Variants in RICTOR observed in about 807,000 individuals in gnomAD.
The protein encoded by RICTOR is RPTOR independent companion of MTOR complex 2, also known as rapamycin-insensitive companion of mTOR.
In RICTOR, 49 loss-of-function variants were observed where a neutral mutation model predicts 214.9. That is an observed-to-expected ratio of 0.23 (90% CI 0.18 to 0.29). The LOEUF (loss-of-function observed/expected upper bound fraction) is 0.29, where lower values mean the gene tolerates loss of function less well. RICTOR is among the 10% of genes least tolerant of loss of function. RICTOR has a pLI of 1.00. For synonymous variants in RICTOR, 717 were observed against 711.3 expected (o/e 1.01, Z -0.13); for missense variants, 1,625 against 2,047.0 (o/e 0.79, Z 3.98).
intron 3 of RICTOR, among the ~76,000 whole-genome samples, chr5:39,007,174 A>G (rs1420167956): frequency 6.6e-6 from 1 of 152,194 alleles, no homozygotes; most frequent in African/African-American, 2.4e-5. Flanking sequence ...TGCTAGGGCT[A>G]CTATAACATA....
chr5:39,003,720 G>A (rs1753819983), intron 3 of RICTOR, 98 bp from the exon 4 acceptor site: 2 of 648,782 alleles, frequency 3.1e-6, no homozygotes, highest in Non-Finnish European at 5.1e-6. Context: ...GTATTTTTAT[G>A]GAATAATATT....
At chr5:38,965,106 T>C (rs921010104) in intron 15 of RICTOR, among the ~76,000 whole-genome samples, 1 of 152,004 alleles carries the variant, frequency 6.6e-6, no homozygotes, top group Admixed American at 6.5e-5. Context: ...TACACACATA[T>C]TAACATAACC....
intron 2 of RICTOR, among the ~76,000 whole-genome samples, chr5:39,048,262 T>C (rs889999425): frequency 6.6e-6 from 1 of 152,180 alleles, no homozygotes; most frequent in Non-Finnish European, 1.5e-5. Flanking sequence ...AGAAAAAAAG[T>C]TAACCTAGCA....
chr5:38,957,525 TTGA>T, intron 25 of RICTOR, 124 bp downstream of exon 25: 1 of 633,526 alleles, frequency 1.6e-6, no homozygotes, highest in Non-Finnish European at 2.8e-6. Flanking sequence ...CAACTTGATA[TTGA>T]TGTTTAAATA....
At position 38,949,993 on chromosome 5, in the gene RICTOR, C is replaced by G. The variant is rs1748590662; in HGVS notation, c.3855G>C (p.Val1285=). ...GAGAAGAACCTGGAGGCACCAGGGA[C>G]ACCGAATTTGATTTGGAGAGAGACA... ...NHLSLSKSNS[V]SLVPPGSSHT... Residue 1285 remains valine (V), a synonymous_variant, in exon 31 of 38, where the codon GTG becomes GTC. Coordinates refer to ENST00000357387, the MANE Select transcript of RICTOR (RefSeq NM_152756.5). 1 of 1,613,500 alleles carries G rather than the reference C, an allele frequency of 6.2e-7. No individual in the cohort carries two copies. The highest frequency in any genetic ancestry group is 8.5e-7 in the Non-Finnish European group (1 of 1,179,642).
intron 34 of RICTOR, 170 bp from the exon 35 acceptor site, chr5:38,945,238 A>G: frequency 1.6e-6 from 1 of 625,336 alleles, no homozygotes; most frequent in South Asian, 2.1e-5. Context: ...TAACTACAGC[A>G]TGCAAAGGGC....
At chr5:39,023,127 CAAAA>C (rs959763238) in intron 2 of RICTOR, among the ~76,000 whole-genome samples, 1 of 149,322 alleles carries the variant, frequency 6.7e-6, no homozygotes, top group African/African-American at 2.5e-5. Flanking sequence ...AACAAACAAA[CAAAA>C]AAGGATAACG....
intron 2 of RICTOR, among the ~76,000 whole-genome samples, chr5:39,037,778 A>T (rs938742316): frequency 6.6e-6 from 1 of 152,222 alleles, no homozygotes; most frequent in African/African-American, 2.4e-5. Context: ...GAAGAAGTTG[A>T]ATCCCTGAAT....
chr5:38,940,941 G>T lies in RICTOR; in HGVS notation c.*1363C>A. 1 of 232,346 alleles carries T rather than the reference G, an allele frequency of 4.3e-6. No individual in the cohort carries two copies. The allele number at this position is 232,346 out of a possible 1,614,324, so 14.4% of individuals were successfully genotyped here. ...TGTAATAAAAATGTTATACACAAAT[G>T]AATTAAAAAAGAATCCTAATCAGTC... On this transcript the variant is annotated 3_prime_UTR_variant, in exon 38 of 38. Transcript: ENST00000357387.
intron 9 of RICTOR, among the ~76,000 whole-genome samples, chr5:38,977,546 T>G (rs191217887): frequency 5.1e-4 from 77 of 150,528 alleles, no homozygotes; most frequent in Non-Finnish European, 9.0e-4. Flanking sequence ...TATGTTAGGG[T>G]GAGAATGAGT....
Position 38,946,509 on chromosome 5 carries a change from T to C in RICTOR, c.4358A>G (p.His1453Arg). Reference protein sequence around the residue: ...PYFQTKNIPPHDDRGARAFAH... With the variant: ...PYFQTKNIPPRDDRGARAFAH... The stretch of plus-strand genomic sequence containing the variant: ...AAATGCTCTTGCACCTCGATCATCA[T>C]GTGGTGGTATGTTTTTTGTCTGAAA... The change falls in exon 33 of 38, where the codon CAT becomes CGT. Residue 1453 changes from histidine (H) to arginine (R), a missense_variant. Physicochemically the swap from His to Arg is conservative, Grantham distance 29. Around this residue, in one of 5 missense-constraint regions of RICTOR, gnomAD observed 1,214 missense variants for 1,470.5 expected, o/e 0.83. Transcript: ENST00000357387. 1 of 1,611,840 alleles carries C rather than the reference T, an allele frequency of 6.2e-7. No individual in the cohort carries two copies. Among genetic ancestry groups the C allele is most frequent in the Non-Finnish European group, 8.5e-7 (1 of 1,178,024 alleles).
At chr5:39,021,165 C>T (rs771724718) in intron 2 of RICTOR, 29 bp from the exon 3 acceptor site, 1 of 1,147,708 alleles carries the variant, frequency 8.7e-7, no homozygotes, top group East Asian at 2.3e-5. Context: ...CAATTTAACA[C>T]AATTTTATGA....
At chr5:38,976,450 T>C (rs1231954662) in intron 9 of RICTOR, among the ~76,000 whole-genome samples, 1 of 151,914 alleles carries the variant, frequency 6.6e-6, no homozygotes, top group Non-Finnish European at 1.5e-5. Flanking sequence ...AGTGAGCAAT[T>C]AGTCTACAAA....
At chr5:38,967,134 G>C in intron 14 of RICTOR, 27 bp downstream of exon 14, 1 of 1,500,288 alleles carries the variant, frequency 6.7e-7, no homozygotes, top group Non-Finnish European at 9.3e-7. Context: ...AAACAAAATG[G>C]AATAAAATAA....
At chr5:39,022,920 GA>G (rs1228335801) in intron 2 of RICTOR, among the ~76,000 whole-genome samples, 3 of 151,992 alleles carry the variant, frequency 2.0e-5, no homozygotes, top group South Asian at 4.1e-4. Context: ...TGCAAAAAAA[GA>G]AAAAAGTGAT....
chr5:39,003,210 G>T (rs1006943401), intron 4 of RICTOR, among the ~76,000 whole-genome samples: 1 of 152,122 alleles, frequency 6.6e-6, no homozygotes, highest in African/African-American at 2.4e-5. Flanking sequence ...CAAGTCTGTT[G>T]TAAGCACAAA....
intron 3 of RICTOR, among the ~76,000 whole-genome samples, chr5:39,009,730 ACTTT>A (rs1754353106): frequency 6.6e-6 from 1 of 152,068 alleles, no homozygotes; most frequent in Non-Finnish European, 1.5e-5. Context: ...CAGTGATTAA[ACTTT>A]CTATGTGTAA....
At chr5:39,020,090 A>G (rs1202887194) in intron 3 of RICTOR, among the ~76,000 whole-genome samples, 15 of 152,202 alleles carry the variant, frequency 9.9e-5, no homozygotes, top group Admixed American at 9.2e-4. Flanking sequence ...AATTGTTGCA[A>G]TCTCATGAAA....
In RICTOR at chr5:38,971,915, G is replaced by A. The variant is rs1750820126; in HGVS notation, c.934C>T (p.Leu312=). The change falls in exon 11 of 38, where the codon CTA becomes TTA. Residue 312 remains leucine (L), a synonymous_variant. Transcript: ENST00000357387. ...CKPGNSGIQS[L]IGVLCIPNME... ...TTTGGTATGCAAAGTACTCCTATTA[G>A]AGACTGGATCCCAGAATTTCCAGGT... 3 of 1,478,890 alleles carry A rather than the reference G, an allele frequency of 2.0e-6. No homozygotes were observed. The highest frequency in any genetic ancestry group is 2.8e-5 in the African/African-American group (2 of 71,752). 91.6% of individuals were successfully genotyped at this position (1,478,890 alleles called of 1,614,324 possible).
Sources: gnomAD v4.1 joint callset for allele counts (sites outside exome capture counted in the v4.1 genomes callset) on GRCh38, gnomAD v4.1.1 for gene constraint, gnomAD v4.1.1 regional missense constraint, MANE v1.5 for transcripts, NCBI Gene and HGNC (gene_info 2026-07-23, HGNC 2026-07-21) for gene names.